TEX10: variants seen among roughly 807,000 people sequenced by gnomAD.
TEX10 encodes testis expressed 10, also known as testis-expressed protein 10.
In TEX10, 24 loss-of-function variants were observed where a neutral mutation model predicts 104.4. The observed-to-expected ratio is 0.23, with a 90% CI of 0.17 to 0.32. TEX10 has a LOEUF of 0.32. Among genes scored for constraint, TEX10 ranks in the 10% least tolerant of loss-of-function variants. The pLI, the probability that TEX10 is intolerant of heterozygous loss-of-function variation, is 1.00. For synonymous variants in TEX10, 396 were observed against 393.4 expected (o/e 1.01, Z -0.08); for missense variants, 921 against 1,083.9 (o/e 0.85, Z 2.11).
intron 5 of TEX10, among the ~76,000 whole-genome samples, chr9:100,335,347 C>T (rs1440325024): frequency 2.0e-5 from 3 of 151,988 alleles, no homozygotes; most frequent in East Asian, 1.9e-4. Flanking sequence ...GGACTACAGG[C>T]GCCCGCCACC....
At chr9:100,310,478 G>A (rs1320620862) in intron 11 of TEX10, 99 bp from the exon 12 acceptor site, 10 of 1,128,238 alleles carry the variant, frequency 8.9e-6, no homozygotes, top group African/African-American at 1.6e-5. Flanking sequence ...TCACTCTGTC[G>A]CCCAGGCTGG....
In TEX10 at chr9:100,346,951, T is replaced by A. The variant is rs759424704; in HGVS notation, c.636A>T (p.Val212=). ...GAGAAGTGAGTCTCCGATTAGGATT[T>A]ACAGAAAGTATCCAGGACTGGGATC... is the stretch of plus-strand genomic sequence containing the variant. ...RDRSQSWILS[V]NPNRRLTSQQ... The change falls in exon 3 of 15, where the codon GTA becomes GTT. Residue 212 remains valine (V), a synonymous_variant. Transcript: ENST00000374902. 5.6e-6 allele frequency: 9 copies of A among 1,614,248 alleles called. No individual in the cohort carries two copies. Among genetic ancestry groups the A allele is most frequent in the Non-Finnish European group, 5.9e-6 (7 of 1,180,044 alleles).
intron 7 of TEX10, among the ~76,000 whole-genome samples, chr9:100,328,630 G>T (rs1057105604): frequency 6.6e-6 from 1 of 152,172 alleles, no homozygotes; most frequent in African/African-American, 2.4e-5. Flanking sequence ...ATATGTTGAG[G>T]TATCCCAAAT....
intron 6 of TEX10, among the ~76,000 whole-genome samples, 171 bp downstream of exon 6, chr9:100,329,760 C>T (rs967271195): frequency 6.6e-6 from 1 of 152,102 alleles, no homozygotes; most frequent in South Asian, 2.1e-4. Flanking sequence ...TAGAGATACT[C>T]TGAGCCATAA....
At position 100,329,820 on chromosome 9, in the gene TEX10, C is replaced by A. The variant is rs1317952176; in HGVS notation, c.1489+111G>T. On this transcript the variant is annotated intron_variant, in intron 6 of 14. Coordinates refer to ENST00000374902, the MANE Select transcript of TEX10 (RefSeq NM_017746.4). ...GTAGCTACCTTTTATGGCTTGAATA[C>A]AATTAGCCTGACTACATGGAATGTT... is the stretch of plus-strand genomic sequence containing the variant. 27 of 941,112 alleles carry A rather than the reference C, an allele frequency of 2.9e-5. No homozygotes were observed. In the East Asian group the frequency reaches 2.9e-4, roughly 10 times the overall value. 58.3% of individuals were successfully genotyped at this position (941,112 alleles called of 1,614,324 possible). A position where few individuals can be genotyped will look rare whatever the true frequency, so the allele number is the denominator to read the frequency against.
chr9:100,347,656 G>A (rs988734648), intron 2 of TEX10, among the ~76,000 whole-genome samples: 3 of 152,044 alleles, frequency 2.0e-5, no homozygotes, highest in African/African-American at 7.2e-5. Flanking sequence ...AGGCTTAGGC[G>A]CTCTATGATA....
chr9:100,352,132 C>A (rs1319750145), intron 1 of TEX10, among the ~76,000 whole-genome samples: 1 of 152,192 alleles, frequency 6.6e-6, no homozygotes, highest in Admixed American at 6.5e-5. Flanking sequence ...TTTCCACCTT[C>A]TTTTCCAAAA....
chr9:100,303,425 G>A (rs1399423858), intron 14 of TEX10, among the ~76,000 whole-genome samples: 1 of 128,550 alleles, frequency 7.8e-6, no homozygotes, highest in African/African-American at 3.3e-5. Context: ...ACTAATTCTG[G>A]AATCACAGAC....
chr9:100,313,882 G>A (rs947401548), intron 11 of TEX10, among the ~76,000 whole-genome samples: 1 of 151,252 alleles, frequency 6.6e-6, no homozygotes, highest in African/African-American at 2.4e-5. Flanking sequence ...ACATAGGAAC[G>A]TAGCCTTCTT....
intron 11 of TEX10, among the ~76,000 whole-genome samples, chr9:100,318,491 TAGG>T (rs936494672): frequency 5.3e-5 from 8 of 152,172 alleles, no homozygotes; most frequent in African/African-American, 9.7e-5. Flanking sequence ...GGGTGAATGA[TAGG>T]AGATTACTTA....
intron 5 of TEX10, among the ~76,000 whole-genome samples, chr9:100,332,307 G>A (rs1389410865): frequency 1.3e-5 from 2 of 152,222 alleles, no homozygotes; most frequent in African/African-American, 4.8e-5. Context: ...CACAGGTAGA[G>A]CTTTGGAAAA....
At chr9:100,333,837 A>AGAAGCCGAGG (rs1834937415) in intron 5 of TEX10, among the ~76,000 whole-genome samples, 1 of 152,198 alleles carries the variant, frequency 6.6e-6, no homozygotes, top group African/African-American at 2.4e-5. Context: ...CTGAACTTTG[A>AGAAGCCGAGG]CAAATGAGCA....
At chr9:100,351,414 G>A (rs1189783537) in intron 1 of TEX10, among the ~76,000 whole-genome samples, 1 of 135,712 alleles carries the variant, frequency 7.4e-6, no homozygotes, top group Non-Finnish European at 1.6e-5. Flanking sequence ...GGGTGGGTGG[G>A]TGGGAGGGAA....
At chr9:100,306,860 T>A (rs1362654130) in intron 13 of TEX10, 1 of 152,230 alleles carries the variant, frequency 6.6e-6, no homozygotes. Context: ...GATGTTTCTC[T>A]ATAAGAAACT....
At chr9:100,308,331 G>A (rs1834190389) in intron 13 of TEX10, among the ~76,000 whole-genome samples, 169 bp downstream of exon 13, 1 of 152,092 alleles carries the variant, frequency 6.6e-6, no homozygotes, top group Non-Finnish European at 1.5e-5. Context: ...ACAACACAAA[G>A]GGGATTCATG....
intron 10 of TEX10, among the ~76,000 whole-genome samples, chr9:100,320,902 A>C (rs1834553621): frequency 6.6e-6 from 1 of 152,168 alleles, no homozygotes; most frequent in Non-Finnish European, 1.5e-5. Context: ...CTCTATTTAC[A>C]CTTGGCCTAA....
intron 13 of TEX10, chr9:100,305,682 A>C (rs1046851162): frequency 6.6e-6 from 1 of 152,254 alleles, no homozygotes; most frequent in Non-Finnish European, 1.5e-5. Context: ...AACTATAATG[A>C]AATTCATATA....
chr9:100,326,529 C>A, intron 8 of TEX10, 50 bp from the exon 9 acceptor site: 4 of 1,530,408 alleles, frequency 2.6e-6, no homozygotes, highest in Non-Finnish European at 3.5e-6. Flanking sequence ...GACATGCAAA[C>A]CAGAGATTAA....
chr9:100,315,876 C>T (rs971800544), intron 11 of TEX10, among the ~76,000 whole-genome samples: 3 of 152,172 alleles, frequency 2.0e-5, no homozygotes. Context: ...TAATATGTCA[C>T]GATGAAGTCC....
Sources: gnomAD v4.1 joint callset for allele counts (sites outside exome capture counted in the v4.1 genomes callset) on GRCh38, gnomAD v4.1.1 for gene constraint, MANE v1.5 for transcripts, NCBI Gene and HGNC (gene_info 2026-07-23, HGNC 2026-07-21) for gene names.